PHIP: variants seen among roughly 807,000 people sequenced by gnomAD.
PHIP encodes PH-interacting protein.
A neutral mutation model predicts 236.8 loss-of-function variants in PHIP; 54 were observed. The ratio of observed to expected loss-of-function variants is 0.23; its 90% confidence interval spans 0.18 to 0.29. The LOEUF (loss-of-function observed/expected upper bound fraction) is 0.29. Ranked by LOEUF, PHIP falls within the 10% of genes least tolerant of loss-of-function variation. The pLI is 1.00. For missense variants in PHIP, 1,370 were observed against 2,190.8 expected (o/e 0.63, Z 7.48); for synonymous variants, 756 against 718.9 (o/e 1.05, Z -0.83).
At chr6:78,972,754 G>A (rs140467800) in intron 24 of PHIP, among the ~76,000 whole-genome samples, 49,977 of 152,026 alleles carry the variant, frequency 0.33, 9,814 homozygotes, top group East Asian at 0.69. Flanking sequence ...GAGCCGATGC[G>A]ATGAACTGGA....
chr6:79,006,272 C>T (rs1367217994), intron 15 of PHIP, among the ~76,000 whole-genome samples: 1 of 151,942 alleles, frequency 6.6e-6, no homozygotes, highest in Non-Finnish European at 1.5e-5. Context: ...AATAAACACC[C>T]ATATCTATAA....
intron 19 of PHIP, among the ~76,000 whole-genome samples, chr6:78,993,718 T>C (rs1383911278): frequency 2.0e-5 from 3 of 152,230 alleles, no homozygotes; most frequent in Non-Finnish European, 2.9e-5. Flanking sequence ...TTACTGTTCA[T>C]TGACAATGCC....
intron 6 of PHIP, among the ~76,000 whole-genome samples, chr6:79,058,206 A>G (rs138775565): frequency 6.6e-6 from 1 of 152,162 alleles, no homozygotes; most frequent in Non-Finnish European, 1.5e-5. Context: ...TAATTCTGTT[A>G]CCTAAATGAA....
intron 7 of PHIP, among the ~76,000 whole-genome samples, chr6:79,030,483 G>C (rs1178704171): frequency 6.6e-6 from 1 of 152,188 alleles, no homozygotes; most frequent in African/African-American, 2.4e-5. Flanking sequence ...GTGAAAATAA[G>C]TGATTATGCT....
Position 79,060,732 on chromosome 6 carries a change from T to C in PHIP, c.276A>G (p.Gln92=), listed in dbSNP as rs371231168. 17 of 1,613,182 alleles carry C rather than the reference T, an allele frequency of 1.1e-5. No homozygotes were observed. Among genetic ancestry groups the C allele is most frequent in the Non-Finnish European group, 1.4e-5 (16 of 1,179,324 alleles). Residue 92 remains glutamine, a synonymous_variant, in exon 5 of 40, where the codon CAA becomes CAG. Transcript: ENST00000275034. ...LGPLLEQEIP[Q]SVPGVQTLLG... ...ATAAAGTTTGTACTCCAGGAACACT[T>C]TGAGGAATTTCTTGTTCAAGAAGAG...
chr6:78,970,670 G>T (rs904361098), intron 25 of PHIP, 111 bp downstream of exon 25: 3 of 672,520 alleles, frequency 4.5e-6, no homozygotes, highest in Non-Finnish European at 7.5e-6. Context: ...ATTAAACAAG[G>T]TATCTTCATG....
At chr6:78,967,330 C>T (rs184524097) in intron 27 of PHIP, among the ~76,000 whole-genome samples, 12 of 152,114 alleles carry the variant, frequency 7.9e-5, no homozygotes, top group African/African-American at 2.6e-4. Context: ...TTCTTGACAC[C>T]ACCACTACCT....
intron 6 of PHIP, among the ~76,000 whole-genome samples, chr6:79,057,640 C>T (rs1773138972): frequency 6.6e-6 from 1 of 152,080 alleles, no homozygotes; most frequent in Non-Finnish European, 1.5e-5. Flanking sequence ...TTTCTTACCT[C>T]CACTGATACT....
In PHIP at chr6:79,017,567, C is replaced by T. The variant is rs775617375; in HGVS notation, c.1011G>A (p.Ala337=). The T allele has an allele frequency of 1.1e-5, 18 of 1,611,094 alleles. No individual in the cohort carries two copies. The East Asian group carries it at 1.3e-4, about 12-fold the overall frequency. The change falls in exon 11 of 40, where the codon GCG becomes GCA. Residue 337 remains alanine, a synonymous_variant. Coordinates refer to ENST00000275034, the MANE Select transcript of PHIP (RefSeq NM_017934.7). ...GAATAATATGATCTGTGCTTCCCGT[C>T]GCCAGAAACATTCCACCTATGAAGA... The part of the protein sequence containing the change: ...SSFSAGGMFL[A]TGSTDHIIRV...
In PHIP at chr6:78,982,898, T is replaced by A; in HGVS notation, c.2757A>T (p.Glu919Asp). Reference protein sequence around the residue: ...PISPKKKKPKERKQKRLAVGE... With the variant: ...PISPKKKKPKDRKQKRLAVGE... The stretch of plus-strand genomic sequence containing the variant: ...TTAAAAACCAAACCTTTTGTTTTCT[T>A]TCTTTGGGCTTCTTTTTCTTTGGTG... Residue 919 changes from glutamate to aspartate, a missense_variant, in exon 23 of 40, where the codon GAA becomes GAT. Physicochemically the swap from Glu to Asp is conservative, Grantham distance 45 (BLOSUM62 2). Transcript: ENST00000275034. 1 of 1,559,074 alleles carries A rather than the reference T, an allele frequency of 6.4e-7. No homozygotes were observed.
intron 6 of PHIP, among the ~76,000 whole-genome samples, chr6:79,050,879 T>C (rs929341734): frequency 2.6e-5 from 4 of 152,162 alleles, no homozygotes; most frequent in African/African-American, 9.7e-5. Context: ...TGATATGCTA[T>C]AAAGAAATAA....
chr6:78,941,014 C>T lies in PHIP; in HGVS notation c.5145G>A (p.Lys1715=), dbSNP rs2127677529. 1 of 1,613,866 alleles carries T rather than the reference C, an allele frequency of 6.2e-7. No homozygotes were observed. Residue 1715 remains lysine (K), a synonymous_variant, in exon 40 of 40, where the codon AAG becomes AAA. Coordinates refer to ENST00000275034, the MANE Select transcript of PHIP (RefSeq NM_017934.7). ...TTTGTGTCTTCATCTTCCTTTTGGG[C>T]TTCCTACCTCCACGATTCTTTTTCT... The part of the protein sequence containing the change: ...LLQKKNRGGR[K]PKRKMKTQKL...
intron 7 of PHIP, among the ~76,000 whole-genome samples, chr6:79,028,185 A>G (rs1025041876): frequency 2.0e-5 from 3 of 152,132 alleles, no homozygotes; most frequent in African/African-American, 7.2e-5. Flanking sequence ...AAGGATGAAA[A>G]AGTAAAAAAA....
intron 9 of PHIP, 43 bp from the exon 10 acceptor site, chr6:79,019,202 C>A: frequency 1.5e-6 from 2 of 1,328,328 alleles, no homozygotes; most frequent in Non-Finnish European, 2.2e-6. Flanking sequence ...CCTAAAGGAA[C>A]CAGTAGCAGC....
In PHIP at chr6:78,941,005, C is replaced by A. The variant is rs565631371; in HGVS notation, c.5154G>T (p.Arg1718Ser). Residue 1718 changes from arginine to serine, a missense_variant, in exon 40 of 40, where the codon AGG becomes AGT. Transcript: ENST00000275034. ...KKNRGGRKPK[R>S]KMKTQKLDAD... ...CATCTAATTTTTGTGTCTTCATCTT[C>A]CTTTTGGGCTTCCTACCTCCACGAT... 3.9e-5 allele frequency: 63 copies of A among 1,613,796 alleles called. No individual in the cohort carries two copies. The highest frequency in any genetic ancestry group is 5.0e-5 in the Non-Finnish European group (59 of 1,179,876).
intron 28 of PHIP, 83 bp downstream of exon 28, chr6:78,965,857 TAAAAG>T: frequency 5.9e-6 from 7 of 1,192,822 alleles, no homozygotes; most frequent in Non-Finnish European, 8.6e-6. Context: ...CTTCTGTGTT[TAAAAG>T]AAGTCTCTTT....
At chr6:78,971,285 A>T (rs1767531655) in intron 24 of PHIP, among the ~76,000 whole-genome samples, 2 of 152,264 alleles carry the variant, frequency 1.3e-5, no homozygotes, top group African/African-American at 4.8e-5. Flanking sequence ...TTTCACATAT[A>T]TTTTAATCCT....
intron 35 of PHIP, among the ~76,000 whole-genome samples, chr6:78,948,920 G>A (rs1383664913): frequency 6.6e-6 from 1 of 152,164 alleles, no homozygotes; most frequent in South Asian, 2.1e-4. Flanking sequence ...CTATAAGGTA[G>A]GATTACTGCC....
At chr6:78,973,964 C>G (rs1476515013) in intron 24 of PHIP, among the ~76,000 whole-genome samples, 1 of 151,996 alleles carries the variant, frequency 6.6e-6, no homozygotes, top group Non-Finnish European at 1.5e-5. Context: ...TTAGACAGAT[C>G]AACGAGACAG....
Sources: allele counts gnomAD v4.1 joint callset (sites outside exome capture counted in the v4.1 genomes callset), GRCh38; gene constraint gnomAD v4.1.1; transcripts MANE v1.5; gene names NCBI Gene and HGNC (gene_info 2026-07-23, HGNC 2026-07-21).